Variants in PGK1 observed in about 807,000 individuals in gnomAD.
The protein encoded by PGK1 is PRP 2.
Under a neutral mutation model 26.9 loss-of-function variants are expected in PGK1, and 3 were observed. That is an observed-to-expected ratio of 0.11 (90% CI 0.05 to 0.29). The LOEUF is 0.29. PGK1 is among the 10% of genes least tolerant of loss of function. PGK1 has a pLI of 1.00. For synonymous variants in PGK1, 125 were observed against 115.3 expected, an observed-to-expected ratio of 1.08 and a Z score of -0.54; for missense variants, 270 against 314.7, an observed-to-expected ratio of 0.86 and a Z score of 1.07.
At chrX:78,109,307 G>T (rs782218706) in intron 1 of PGK1, among the ~76,000 whole-genome samples, 1 of 111,128 alleles carries the variant, frequency 9.0e-6, no homozygotes, top group Admixed American at 9.6e-5. Flanking sequence ...TTTTCTCTTA[G>T]TGTGTTTTAT....
In PGK1 at chrX:78,104,288, C is replaced by T. The variant is rs782774228; in HGVS notation, c.-53C>T. The T allele has an allele frequency of 4.1e-5, 39 of 945,257 alleles. No individual in the cohort carries two copies. The highest frequency in any genetic ancestry group is 2.5e-4 in the Admixed American group (11 of 44,767). The allele number at this position is 945,257 out of a possible 1,213,427, so 77.9% of individuals were successfully genotyped here. A position where few individuals can be genotyped will look rare whatever the true frequency, so the allele number is the denominator to read the frequency against. On this transcript the variant is annotated 5_prime_UTR_variant, in exon 1 of 11. Coordinates refer to ENST00000373316, the MANE Select transcript of PGK1 (RefSeq NM_000291.4). The stretch of plus-strand genomic sequence containing the variant: ...AGCCTCCGGAGCGCACGTCGGCAGT[C>T]GGCTCCCTCGTTGACCGAATCACCG...
chrX:78,121,091 G>A (rs782338940), intron 6 of PGK1, among the ~76,000 whole-genome samples: 3 of 112,035 alleles, frequency 2.7e-5, no homozygotes, highest in East Asian at 5.6e-4. Flanking sequence ...TAACTGCTAA[G>A]CAGATTTCTT....
rs1557248740 is a variant in PGK1 at position 78,126,610 on chromosome X, C to T, written c.*780C>T. 1 of 111,384 alleles carries T rather than the reference C, an allele frequency of 9.0e-6. No homozygotes were observed. 9.2% of individuals were successfully genotyped at this position (111,384 alleles called of 1,213,427 possible). The stretch of plus-strand genomic sequence containing the variant: ...TCTTGAGTTTTTCAGGTATATACCT[C>T]CATGTTTCTAAGTAATATGCTTATA... On this transcript the variant is annotated 3_prime_UTR_variant, in exon 11 of 11. Coordinates refer to ENST00000373316, the MANE Select transcript of PGK1 (RefSeq NM_000291.4).
chrX:78,107,163 G>A (rs1557246289), intron 1 of PGK1, among the ~76,000 whole-genome samples: 1 of 111,002 alleles, frequency 9.0e-6, no homozygotes, highest in Non-Finnish European at 1.9e-5. Flanking sequence ...AAGATTCATG[G>A]GAGGTTACAA....
intron 4 of PGK1, among the ~76,000 whole-genome samples, chrX:78,114,953 C>G (rs1414914654): frequency 4.5e-5 from 5 of 112,179 alleles, no homozygotes; most frequent in African/African-American, 9.7e-5. Flanking sequence ...CTATTCTGGT[C>G]TTTAGTATCT....
At chrX:78,112,853 G>A (rs2078307753) in intron 2 of PGK1, among the ~76,000 whole-genome samples, 1 of 112,194 alleles carries the variant, frequency 8.9e-6, no homozygotes, top group Non-Finnish European at 1.9e-5. Context: ...TTTCCTGTGA[G>A]GGGACACATC....
intron 6 of PGK1, among the ~76,000 whole-genome samples, chrX:78,121,549 C>T (rs782631100): frequency 8.9e-6 from 1 of 112,196 alleles, no homozygotes; most frequent in African/African-American, 3.2e-5. Context: ...TTTCACAAAT[C>T]CTAGCATAGG....
chrX:78,114,441 G>A (rs868973335), intron 4 of PGK1, among the ~76,000 whole-genome samples: 4 of 111,750 alleles, frequency 3.6e-5, no homozygotes, highest in African/African-American at 1.3e-4. Flanking sequence ...AGGTGAAAGA[G>A]TATTCAGTGA....
In PGK1 at chrX:78,127,107, GA is replaced by G. The variant is rs1177377160; in HGVS notation, c.*1278del. 2 of 112,143 alleles carry G rather than the reference GA, an allele frequency of 1.8e-5. No homozygotes were observed. The highest frequency in any genetic ancestry group is 6.5e-5 in the African/African-American group (2 of 30,855). 9.2% of individuals were successfully genotyped at this position (112,143 alleles called of 1,213,427 possible). On this transcript the variant is annotated 3_prime_UTR_variant, in exon 11 of 11. Coordinates refer to ENST00000373316, the MANE Select transcript of PGK1 (RefSeq NM_000291.4). ...TCCTGTGTTAGACTCCTGTTTTCTG[GA>G]TTCCCCCTTTTCCCTCTTTCTTGGT...
At chrX:78,114,283 C>T (rs782461885) in intron 4 of PGK1, 123 bp downstream of exon 4, 21 of 703,499 alleles carry the variant, frequency 3.0e-5, no homozygotes, top group African/African-American at 1.3e-4. Context: ...CATACAATGC[C>T]GACACAGCTT....
At chrX:78,107,016 G>T (rs963856364) in intron 1 of PGK1, among the ~76,000 whole-genome samples, 4 of 111,477 alleles carry the variant, frequency 3.6e-5, no homozygotes. Context: ...ATCTGGGGCA[G>T]TGAAGCATTG....
chrX:78,112,148 A>C (rs2078304442), intron 2 of PGK1, among the ~76,000 whole-genome samples: 1 of 112,003 alleles, frequency 8.9e-6, no homozygotes, highest in Non-Finnish European at 1.9e-5. Flanking sequence ...TGTCCTCAAA[A>C]GTAGGGGAAC....
chrX:78,109,727 T>G (rs968659868), intron 1 of PGK1, 140 bp from the exon 2 acceptor site: 2 of 518,193 alleles, frequency 3.9e-6, no homozygotes, highest in East Asian at 3.6e-5. Flanking sequence ...GACTAACCAC[T>G]ATTTTGACTT....
chrX:78,112,365 G>A (rs1190428894), intron 2 of PGK1, among the ~76,000 whole-genome samples: 2 of 112,433 alleles, frequency 1.8e-5, no homozygotes, highest in African/African-American at 6.5e-5. Flanking sequence ...AATATTTGAT[G>A]AATAAATAAA....
chrX:78,118,192 C>G, intron 6 of PGK1, 22 bp downstream of exon 6: 1 of 1,207,737 alleles, frequency 8.3e-7, no homozygotes, highest in Non-Finnish European at 1.1e-6. Flanking sequence ...TCTTTAAGAT[C>G]ATGCTTTAAG....
At chrX:78,112,923 G>T (rs1411982798) in intron 2 of PGK1, among the ~76,000 whole-genome samples, 6 of 112,164 alleles carry the variant, frequency 5.3e-5, no homozygotes, top group African/African-American at 1.9e-4. Context: ...GTTTCTGCCT[G>T]GAGAAGCATG....
intron 1 of PGK1, among the ~76,000 whole-genome samples, chrX:78,105,824 C>T (rs1557246151): frequency 2.7e-5 from 3 of 111,788 alleles, no homozygotes; most frequent in South Asian, 7.4e-4. Flanking sequence ...GGAGTCACAG[C>T]CATGTTAGTA....
chrX:78,114,132 G>A lies in PGK1; in HGVS notation c.389G>A (p.Gly130Glu). 1 of 1,211,169 alleles carries A rather than the reference G, an allele frequency of 8.3e-7. No individual in the cohort carries two copies. The highest frequency in any genetic ancestry group is 1.1e-6 in the Non-Finnish European group (1 of 894,934). Reference protein sequence around the residue: ...ENLRFHVEEEGKGKDASGNKV... With the variant: ...ENLRFHVEEEEKGKDASGNKV... Reference sequence around the variant, plus strand: ...CTCCGCTTTCATGTGGAGGAAGAAGGGAAGGGAAAAGATGCTTCTGGGAAC... The same window carrying A: ...CTCCGCTTTCATGTGGAGGAAGAAGAGAAGGGAAAAGATGCTTCTGGGAAC... The change falls in exon 4 of 11, where the codon GGG becomes GAG. Residue 130 changes from glycine (G) to glutamate (E), a missense_variant. By Grantham distance (98) the Gly-to-Glu change is moderately conservative (BLOSUM62 -2). Transcript: ENST00000373316.
rs1557249090 is a variant in PGK1, at chrX:78,129,238, T to TATCTATCTATC, written c.*3409_*3419dup. On this transcript the variant is annotated 3_prime_UTR_variant, in exon 11 of 11. Transcript: ENST00000373316. ...GTGTGTACCTATCTATCTATCTATCTATCTATCTATCTATCTATCTATCTG... is the reference window on the plus strand; with the variant it reads ...GTGTGTACCTATCTATCTATCTATCTATCTATCTATCATCTATCTATCTATCTATCTATCTG... 9.1e-6 allele frequency: 1 copy of TATCTATCTATC among 109,812 alleles called. No individual in the cohort carries two copies. The highest frequency in any genetic ancestry group is 1.9e-5 in the Non-Finnish European group (1 of 52,680). The allele number at this position is 109,812 out of a possible 1,213,427, so 9.0% of individuals were successfully genotyped here.
Sources: gnomAD v4.1 joint callset for allele counts (sites outside exome capture counted in the v4.1 genomes callset) on GRCh38, gnomAD v4.1.1 for gene constraint, MANE v1.5 for transcripts, NCBI Gene and HGNC (gene_info 2026-07-23, HGNC 2026-07-21) for gene names.